CNN3: variants seen among roughly 807,000 people sequenced by gnomAD.
CNN3 encodes calponin-3.
A neutral mutation model predicts 39.0 loss-of-function variants in CNN3; 11 were observed. The observed-to-expected ratio is 0.28, with a 90% CI of 0.18 to 0.47. The LOEUF (loss-of-function observed/expected upper bound fraction) is 0.47, where lower values mean the gene tolerates loss of function less well. Among genes scored for constraint, CNN3 ranks in the 20% least tolerant of loss-of-function variants. CNN3 has a pLI of 0.99. For synonymous variants in CNN3, 101 were observed against 138.3 expected (o/e 0.73, Z 1.89); for missense variants, 266 against 403.4 (o/e 0.66, Z 2.92).
At chr1:94,920,283 G>A (rs976927628) in intron 1 of CNN3, among the ~76,000 whole-genome samples, 3 of 152,174 alleles carry the variant, frequency 2.0e-5, no homozygotes, top group Non-Finnish European at 2.9e-5. Context: ...GGACTCTGGG[G>A]CAGATCACAT....
rs761661107 is a variant in CNN3 at position 94,898,027 on chromosome 1, T to C, written c.705A>G (p.Leu235=). The C allele has an allele frequency of 1.9e-6, 3 of 1,614,132 alleles. No homozygotes were observed. Among genetic ancestry groups the C allele is most frequent in the South Asian group, 1.1e-5 (1 of 91,080 alleles). The change falls in exon 7 of 7, where the codon TTA becomes TTG. Residue 235 remains leucine (L), a synonymous_variant. Transcript: ENST00000370206. ...AAATTGTCGAGTTGTCCACCGGCTG[T>C]AATGTTAGCTTCTGATCATAGATGT... The part of the protein sequence containing the change: ...RRDIYDQKLT[L]QPVDNSTISL...
chr1:94,926,708 G>C lies in CNN3; in HGVS notation c.57+130C>G. The C allele has an allele frequency of 9.6e-7, 1 of 1,046,216 alleles. No individual in the cohort carries two copies. Among genetic ancestry groups the C allele is most frequent in the Non-Finnish European group, 1.4e-6 (1 of 704,838 alleles). The allele number at this position is 1,046,216 out of a possible 1,614,324, so 64.8% of individuals were successfully genotyped here. On this transcript the variant is annotated intron_variant, in intron 1 of 6. Coordinates refer to ENST00000370206, the MANE Select transcript of CNN3 (RefSeq NM_001839.5). This position sits in a 1 kb window ranked among gnomAD's most constrained non-coding sequence, Gnocchi z 4.2. ...GCGACCGGGACAGGCAGAGACGCTC[G>C]CGCCGCCTCGACGGCCCCTCTCCAG...
At chr1:94,909,480 C>T (rs1571525063) in intron 1 of CNN3, among the ~76,000 whole-genome samples, 1 of 152,188 alleles carries the variant, frequency 6.6e-6, no homozygotes, top group Admixed American at 6.5e-5. Flanking sequence ...AAATCACACT[C>T]CATTCCCAGA....
intron 1 of CNN3, among the ~76,000 whole-genome samples, chr1:94,911,991 G>C (rs1215450545): frequency 6.6e-6 from 1 of 152,106 alleles, no homozygotes; most frequent in Non-Finnish European, 1.5e-5. Context: ...GCTTGAGCCT[G>C]GGAGGCGGAG....
Position 94,897,426 on chromosome 1 carries a change from A to G in CNN3, c.*316T>C, listed in dbSNP as rs1035950873. ...TATTGTTTGAAAATACCAGTTTAAT[A>G]TAAGATTGTAAAAATGCATAGATTT... On this transcript the variant is annotated 3_prime_UTR_variant, in exon 7 of 7. Transcript: ENST00000370206. The G allele has an allele frequency of 1.1e-4, 22 of 207,982 alleles. No homozygotes were observed. In the East Asian group the frequency reaches 2.2e-3, roughly 21 times the overall value. The allele number at this position is 207,982 out of a possible 1,614,324, so 12.9% of individuals were successfully genotyped here.
At chr1:94,910,613 C>T (rs1303958778) in intron 1 of CNN3, among the ~76,000 whole-genome samples, 5 of 152,182 alleles carry the variant, frequency 3.3e-5, no homozygotes, top group South Asian at 2.1e-4. Context: ...GAAGATCACA[C>T]GCTTTCAAGT....
intron 1 of CNN3, among the ~76,000 whole-genome samples, chr1:94,916,529 T>C (rs889464167): frequency 6.6e-6 from 1 of 152,150 alleles, no homozygotes; most frequent in Non-Finnish European, 1.5e-5. Flanking sequence ...CACCTAGTAT[T>C]TTCCAGGAGG....
rs931711312 is a variant in CNN3 at position 94,926,957 on chromosome 1, C to T, written c.-63G>A. ...CGGGGTCTCTCGCACTTCGCTTCCCCGCTCCTGGCCCCGAGGAGTGGCCGC... is the reference window on the plus strand; with the variant it reads ...CGGGGTCTCTCGCACTTCGCTTCCCTGCTCCTGGCCCCGAGGAGTGGCCGC... On this transcript the variant is annotated 5_prime_UTR_variant, in exon 1 of 7. Transcript: ENST00000370206. This position sits in a 1 kb window ranked among gnomAD's most constrained non-coding sequence, Gnocchi z 4.2. 4 of 1,557,078 alleles carry T rather than the reference C, an allele frequency of 2.6e-6. No homozygotes were observed.
In CNN3 at chr1:94,921,021, TA is replaced by T. The variant is rs535171249; in HGVS notation, c.57+5816del. Among the ~76,000 whole-genome samples, 15 of 152,114 alleles carry T rather than the reference TA, an allele frequency of 9.9e-5. No homozygotes were observed. The South Asian group carries it at 3.1e-3, about 32-fold the overall frequency. The stretch of plus-strand genomic sequence containing the variant: ...GCACATGGTATATGCTACAGGAGGG[TA>T]ATGCCTAGATTTAAATGGAACTTGC... On this transcript the variant is annotated intron_variant, in intron 1 of 6. Coordinates refer to ENST00000370206, the MANE Select transcript of CNN3 (RefSeq NM_001839.5).
In CNN3 at chr1:94,926,559, A is replaced by G. The variant is rs913838608; in HGVS notation, c.57+279T>C. 6.6e-6 allele frequency among the ~76,000 whole-genome samples: 1 copy of G among 151,986 alleles called. No homozygotes were observed. On this transcript the variant is annotated intron_variant, in intron 1 of 6. Transcript: ENST00000370206. The surrounding 1 kb of genome is among the most constrained non-coding windows in gnomAD (Gnocchi z 4.2). ...GCCCCCGAGACCCCCGCAGCCGGAA[A>G]GGCTGGCGCCGCGGGACTCCAGGCG...
chr1:94,917,858 T>C (rs1352553462), intron 1 of CNN3, among the ~76,000 whole-genome samples: 1 of 152,224 alleles, frequency 6.6e-6, no homozygotes, highest in African/African-American at 2.4e-5. Flanking sequence ...GCAAGGAAGA[T>C]GGCACCCTGA....
rs756655327 is a variant in CNN3 at position 94,903,481 on chromosome 1, T to C, written c.101A>G (p.Asn34Ser). The C allele has an allele frequency of 3.1e-6, 5 of 1,613,896 alleles. No individual in the cohort carries two copies. The highest frequency in any genetic ancestry group is 2.7e-5 in the African/African-American group (2 of 75,032). Residue 34 changes from asparagine to serine, a missense_variant, in exon 2 of 7, where the codon AAT becomes AGT. Asn to Ser is a conservative substitution (Grantham distance 46). Transcript: ENST00000370206. Reference protein sequence around the residue: ...YDHQAEEDLRNWIEEVTGMSI... With the variant: ...YDHQAEEDLRSWIEEVTGMSI... ...CATGCCTGTCACCTCTTCTATCCAA[T>C]TGCGAAGATCTTCTTCTGCCTGATG... is the stretch of plus-strand genomic sequence containing the variant.
intron 5 of CNN3, among the ~76,000 whole-genome samples, chr1:94,900,650 C>G (rs770947157): frequency 2.0e-5 from 3 of 152,136 alleles, no homozygotes; most frequent in Non-Finnish European, 4.4e-5. Context: ...CTTGCATAGA[C>G]TCAGTAGAAA....
chr1:94,915,626 C>T (rs1671261162), intron 1 of CNN3, among the ~76,000 whole-genome samples: 1 of 152,162 alleles, frequency 6.6e-6, no homozygotes, highest in Non-Finnish European at 1.5e-5. Context: ...ACAGTAAAGG[C>T]TTGCTACAGA....
chr1:94,914,883 A>AT (rs1368180593), intron 1 of CNN3, among the ~76,000 whole-genome samples: 1 of 151,328 alleles, frequency 6.6e-6, no homozygotes, highest in East Asian at 1.9e-4. Flanking sequence ...AGAATTTCCC[A>AT]TTTTCTCTCT....
intron 1 of CNN3, among the ~76,000 whole-genome samples, chr1:94,916,337 T>C (rs2101735343): frequency 6.6e-6 from 1 of 151,850 alleles, no homozygotes; most frequent in South Asian, 2.1e-4. Context: ...GCCCAGGAGG[T>C]CAAGGCTGCA....
chr1:94,901,424 T>C (rs1040430799), intron 5 of CNN3, among the ~76,000 whole-genome samples: 4 of 149,992 alleles, frequency 2.7e-5, no homozygotes, highest in African/African-American at 7.3e-5. Context: ...AAAGACAATA[T>C]GATTCAATTA....
chr1:94,927,102 C>A lies in CNN3; in HGVS notation c.-208G>T, dbSNP rs930786540. On this transcript the variant is annotated 5_prime_UTR_variant, in exon 1 of 7. Transcript: ENST00000370206. ...CAGAGCCTCGAGCTCCGCTGCGAAG[C>A]ACCCGGCTGCCTCGCTCGCCGCCCG... 2.0e-5 allele frequency: 10 copies of A among 491,740 alleles called. No homozygotes were observed. The highest frequency in any genetic ancestry group is 3.2e-5 in the Non-Finnish European group (9 of 281,902). 30.5% of individuals were successfully genotyped at this position (491,740 alleles called of 1,614,324 possible). A position where few individuals can be genotyped will look rare whatever the true frequency, so the allele number is the denominator to read the frequency against.
rs138141209 is a variant in CNN3, at chr1:94,918,043, G to A, written c.57+8795C>T. On this transcript the variant is annotated intron_variant, in intron 1 of 6. Coordinates refer to ENST00000370206, the MANE Select transcript of CNN3 (RefSeq NM_001839.5). ...ACTCTCTGTACTATACACAGTCTTA[G>A]CACAGGCAACTATGCTATCTGCCTG... Among the ~76,000 whole-genome samples the A allele has an allele frequency of 2.4e-4, 36 of 152,306 alleles. 1 individual carries two copies. In the South Asian group the frequency reaches 6.0e-3, roughly 25 times the overall value.
Sources: allele counts gnomAD v4.1 joint callset (sites outside exome capture counted in the v4.1 genomes callset), GRCh38; gene constraint gnomAD v4.1.1; non-coding constraint Gnocchi (gnomAD v3.1); transcripts MANE v1.5; gene names NCBI Gene and HGNC (gene_info 2026-07-23, HGNC 2026-07-21).